Variants in XKR6 observed in about 807,000 individuals in gnomAD.
XKR6 encodes the protein XK-related protein 6.
Under a neutral mutation model 56.7 loss-of-function variants are expected in XKR6, and 22 were observed. That is an observed-to-expected ratio of 0.39 (90% CI 0.28 to 0.55). XKR6 has a LOEUF of 0.55. Ranked by LOEUF, XKR6 falls within the 20% of genes least tolerant of loss-of-function variation. The pLI is 0.66. For synonymous variants in XKR6, 524 were observed against 387.8 expected, an observed-to-expected ratio of 1.35 and a Z score of -4.13; for missense variants, 852 against 889.0, an observed-to-expected ratio of 0.96 and a Z score of 0.53.
intron 2 of XKR6, among the ~76,000 whole-genome samples, chr8:10,913,887 G>C (rs1229942148): frequency 6.6e-6 from 1 of 152,222 alleles, no homozygotes; most frequent in Non-Finnish European, 1.5e-5. Flanking sequence ...GAGGCAGGAG[G>C]ACCTGCGACG....
intron 1 of XKR6, among the ~76,000 whole-genome samples, chr8:11,045,541 T>C (rs756236131): frequency 9.2e-5 from 14 of 152,244 alleles, no homozygotes; most frequent in Non-Finnish European, 2.1e-4. Flanking sequence ...TAATCTTCCA[T>C]TTCCTCTGCT....
intron 1 of XKR6, chr8:11,124,068 C>G (rs1396220322): frequency 2.2e-6 from 1 of 452,142 alleles, no homozygotes; most frequent in Non-Finnish European, 4.5e-6. Flanking sequence ...AGCTCTCTCT[C>G]TCTAGCACGA....
At chr8:11,134,612 G>A (rs1054661303) in intron 1 of XKR6, among the ~76,000 whole-genome samples, 10 of 151,988 alleles carry the variant, frequency 6.6e-5, no homozygotes, top group African/African-American at 2.4e-4. Flanking sequence ...TATATTTTTT[G>A]GAAAAGAGAT....
intron 1 of XKR6, among the ~76,000 whole-genome samples, chr8:11,189,346 G>A (rs888897260): frequency 6.6e-6 from 1 of 152,164 alleles, no homozygotes; most frequent in Admixed American, 6.5e-5. Flanking sequence ...AAAGAAAGAA[G>A]CTTTTGGATC....
In XKR6 at chr8:10,912,823, CAT is replaced by C. The variant is rs567939912; in HGVS notation, c.961+11809_961+11810del. ...ATAGAGAGAGAGGCGAGTATATATA[CAT>C]ATATATATATAGAGAGAGAAAGAGA... On this transcript the variant is annotated intron_variant, in intron 2 of 2. Coordinates refer to ENST00000416569, the MANE Select transcript of XKR6 (RefSeq NM_173683.4). Among the ~76,000 whole-genome samples, 978 of 129,940 alleles carry C rather than the reference CAT, an allele frequency of 7.5e-3. 9 individuals carry two copies. Among genetic ancestry groups the C allele is most frequent in the Middle Eastern group, 0.043 (7 of 164 alleles). The allele number at this position is 129,940 out of a possible 152,430, so 85.2% of individuals were successfully genotyped here. A position where few individuals can be genotyped will look rare whatever the true frequency, so the allele number is the denominator to read the frequency against.
chr8:11,042,942 C>T (rs1023550489), intron 1 of XKR6, among the ~76,000 whole-genome samples: 1 of 152,106 alleles, frequency 6.6e-6, no homozygotes, highest in Admixed American at 6.5e-5. Context: ...CTCAGTGAGG[C>T]AGGGTGCAGG....
intron 1 of XKR6, among the ~76,000 whole-genome samples, chr8:11,029,091 C>T (rs1430413199): frequency 1.3e-5 from 2 of 152,174 alleles, no homozygotes; most frequent in African/African-American, 2.4e-5. Context: ...CTCAGCGACC[C>T]TCCCAGTCCT....
chr8:10,954,997 T>C (rs770461253), intron 1 of XKR6, among the ~76,000 whole-genome samples: 2 of 151,488 alleles, frequency 1.3e-5, no homozygotes, highest in African/African-American at 2.4e-5. Context: ...GTCTCCCGAG[T>C]AGCTAGGATT....
At chr8:10,968,748 A>G (rs1433880611) in intron 1 of XKR6, among the ~76,000 whole-genome samples, 1 of 152,240 alleles carries the variant, frequency 6.6e-6, no homozygotes, top group East Asian at 1.9e-4. Context: ...AAAATACGGG[A>G]CTTTGAGGAA....
chr8:11,052,924 A>G (rs1383233328), intron 1 of XKR6, among the ~76,000 whole-genome samples: 1 of 152,182 alleles, frequency 6.6e-6, no homozygotes, highest in East Asian at 1.9e-4. Context: ...GGGCACCTGC[A>G]CCGCTGAAGC....
At chr8:11,123,951 G>A (rs1799613058) in intron 1 of XKR6, 1 of 455,890 alleles carries the variant, frequency 2.2e-6, no homozygotes, top group Non-Finnish European at 4.4e-6. Flanking sequence ...CAGAGGATCG[G>A]CTCCAGTGCT....
chr8:11,034,323 T>C (rs1799083605), intron 1 of XKR6, among the ~76,000 whole-genome samples: 1 of 152,006 alleles, frequency 6.6e-6, no homozygotes, highest in South Asian at 2.1e-4. Flanking sequence ...ATGAGCACAG[T>C]TTAGCCAAAC....
intron 2 of XKR6, among the ~76,000 whole-genome samples, chr8:10,912,733 T>C (rs944606347): frequency 2.0e-5 from 3 of 146,526 alleles, no homozygotes; most frequent in Admixed American, 6.8e-5. Context: ...TGAGTGTATA[T>C]GCACATATAT....
intron 1 of XKR6, among the ~76,000 whole-genome samples, chr8:11,071,265 G>C (rs1450349075): frequency 6.6e-6 from 1 of 152,110 alleles, no homozygotes; most frequent in Non-Finnish European, 1.5e-5. Context: ...TTCAGATGAA[G>C]TTTTGCTATT....
chr8:11,034,729 C>A lies in XKR6; in HGVS notation c.765-109899G>T. ...CTGCCCCTCCCTAGGCCTGTCCATT[C>A]TCTTACCTCCCTCCTGCCTCTGATG... On this transcript the variant is annotated intron_variant, in intron 1 of 2. Coordinates refer to ENST00000416569, the MANE Select transcript of XKR6 (RefSeq NM_173683.4). Among the ~76,000 whole-genome samples the A allele has an allele frequency of 3.3e-5, 5 of 152,316 alleles. No individual in the cohort carries two copies. In the South Asian group the frequency reaches 1.0e-3, roughly 32 times the overall value.
intron 2 of XKR6, among the ~76,000 whole-genome samples, chr8:10,911,542 T>C (rs1800367070): frequency 6.8e-6 from 1 of 146,720 alleles, no homozygotes; most frequent in Non-Finnish European, 1.5e-5. Context: ...GGGGTGAATA[T>C]ATATATATAG....
intron 1 of XKR6, among the ~76,000 whole-genome samples, chr8:11,104,420 C>T (rs750191024): frequency 2.0e-5 from 3 of 152,224 alleles, no homozygotes; most frequent in Non-Finnish European, 4.4e-5. Context: ...GTGATTGGCA[C>T]TCAATCGGGC....
At chr8:11,134,008 T>C (rs1800253058) in intron 1 of XKR6, among the ~76,000 whole-genome samples, 1 of 152,168 alleles carries the variant, frequency 6.6e-6, no homozygotes, top group Non-Finnish European at 1.5e-5. Context: ...TTACTTGCAC[T>C]TCCCCTAATG....
chr8:11,036,790 T>C (rs529832228), intron 1 of XKR6, among the ~76,000 whole-genome samples: 3 of 152,330 alleles, frequency 2.0e-5, no homozygotes, highest in African/African-American at 7.2e-5. Flanking sequence ...TTTTAACAAC[T>C]GGGAGGCCAC....
Sources: gnomAD v4.1 joint callset for allele counts (sites outside exome capture counted in the v4.1 genomes callset) on GRCh38, gnomAD v4.1.1 for gene constraint, MANE v1.5 for transcripts, NCBI Gene and HGNC (gene_info 2026-07-23, HGNC 2026-07-21) for gene names.